Variants in KMT2A observed in about 807,000 individuals in gnomAD.
KMT2A encodes the protein lysine methyltransferase 2A.
Under a neutral mutation model 345.3 loss-of-function variants are expected in KMT2A, and 16 were observed. The ratio of observed to expected loss-of-function variants is 0.05; its 90% CI spans 0.03 to 0.07. The LOEUF is 0.07. Among genes scored for constraint, KMT2A ranks in the 10% least tolerant of loss-of-function variants. KMT2A has a pLI of 1.00. For synonymous variants in KMT2A, 1,599 were observed against 1,778.6 expected (o/e 0.90, Z 2.54); for missense variants, 3,272 against 4,841.6 (o/e 0.68, Z 9.62).
At chr11:118,468,877 G>A (rs1278816024) in intron 2 of KMT2A, 33 bp downstream of exon 2, 2 of 1,566,158 alleles carry the variant, frequency 1.3e-6, no homozygotes, top group Non-Finnish European at 1.8e-6. Context: ...TGCCTTTTAA[G>A]TTTTGTTTGT....
intron 1 of KMT2A, among the ~76,000 whole-genome samples, chr11:118,457,806 G>T (rs1285689284): frequency 1.3e-5 from 2 of 150,520 alleles, no homozygotes; most frequent in Non-Finnish European, 2.9e-5. Flanking sequence ...CTTTCTCCTT[G>T]AGTGGGTTAA....
At chr11:118,437,967 C>T (rs559933522) in intron 1 of KMT2A, among the ~76,000 whole-genome samples, 9 of 152,130 alleles carry the variant, frequency 5.9e-5, no homozygotes, top group Non-Finnish European at 1.2e-4. Flanking sequence ...TCTCCTACCC[C>T]ACCCACTGCG....
Position 118,505,568 on chromosome 11 carries a change from A to G in KMT2A, c.9676A>G (p.Ile3226Val), listed in dbSNP as rs1181300009. ...TPSSGLKKRPISRLQTRKNKK... is the reference protein window; with the variant it reads ...TPSSGLKKRPVSRLQTRKNKK... Reference sequence around the variant, plus strand: ...ATCCTCTGGACTCAAGAAAAGACCCATATCTCGTCTACAGACCCGAAAGAA... The same window carrying G: ...ATCCTCTGGACTCAAGAAAAGACCCGTATCTCGTCTACAGACCCGAAAGAA... Residue 3226 changes from isoleucine to valine, a missense_variant, in exon 27 of 36, where the codon ATA becomes GTA. Coordinates refer to ENST00000534358, the MANE Select transcript of KMT2A (RefSeq NM_001197104.2). This position sits in a 1 kb window ranked among gnomAD's most constrained non-coding sequence, Gnocchi z 4.6. 10 of 1,614,004 alleles carry G rather than the reference A, an allele frequency of 6.2e-6. No homozygotes were observed. The highest frequency in any genetic ancestry group is 3.3e-5 in the South Asian group (3 of 91,082).
At chr11:118,441,463 C>T (rs948614461) in intron 1 of KMT2A, among the ~76,000 whole-genome samples, 3 of 152,064 alleles carry the variant, frequency 2.0e-5, no homozygotes, top group African/African-American at 7.2e-5. Context: ...TACAGAATCC[C>T]AGGCATTATC....
At chr11:118,464,766 G>A (rs1484264873) in intron 1 of KMT2A, among the ~76,000 whole-genome samples, 4 of 152,198 alleles carry the variant, frequency 2.6e-5, no homozygotes, top group Non-Finnish European at 4.4e-5. Context: ...TGGCTACCAG[G>A]AGGTAGAAGT....
chr11:118,480,983 A>T (rs1237694131), intron 6 of KMT2A, among the ~76,000 whole-genome samples: 3 of 152,064 alleles, frequency 2.0e-5, no homozygotes, highest in African/African-American at 7.2e-5. Flanking sequence ...AGGTGTATAT[A>T]TTTATGGGGG....
At chr11:118,445,152 G>T (rs1156344319) in intron 1 of KMT2A, among the ~76,000 whole-genome samples, 1 of 152,058 alleles carries the variant, frequency 6.6e-6, no homozygotes, top group Non-Finnish European at 1.5e-5. Flanking sequence ...TATAATCTTA[G>T]AATGTTCTTG....
rs1950316294 is a variant in KMT2A, at chr11:118,491,023, C to T, written c.4697-173C>T. On this transcript the variant is annotated intron_variant, in intron 13 of 35. Coordinates refer to ENST00000534358, the MANE Select transcript of KMT2A (RefSeq NM_001197104.2). This position sits in a 1 kb window ranked among gnomAD's most constrained non-coding sequence, Gnocchi z 4.2. ...AGCTTTTCTGTGAGTATTCGAGGGG[C>T]TCAGAATAATCTTGAGACTGCAGAT... Among the ~76,000 whole-genome samples the T allele has an allele frequency of 6.6e-6, 1 of 152,124 alleles. No homozygotes were observed. Among genetic ancestry groups the T allele is most frequent in the Non-Finnish European group, 1.5e-5 (1 of 68,026 alleles).
Position 118,484,963 on chromosome 11 carries a change from T to G in KMT2A, c.4320T>G (p.Ser1440Arg). The G allele has an allele frequency of 6.2e-7, 1 of 1,606,112 alleles. No individual in the cohort carries two copies. Among genetic ancestry groups the G allele is most frequent in the Non-Finnish European group, 8.5e-7 (1 of 1,172,916 alleles). ...PRVVCFLCAS[S>R]GHVEFVYCQV... is the part of the protein sequence containing the mutation. ...TGGTTTGCTTTCTCTGTGCCAGTAG[T>G]GGGCATGTAGAGGTAAGGCATCCTG... is the stretch of plus-strand genomic sequence containing the variant. Residue 1440 changes from serine to arginine, a missense_variant, in exon 10 of 36, where the codon AGT becomes AGG. This residue lies in a region of KMT2A where 120 missense variants were observed against 280.4 expected (regional missense o/e 0.43). Coordinates refer to ENST00000534358, the MANE Select transcript of KMT2A (RefSeq NM_001197104.2). The surrounding 1 kb of genome is among the most constrained non-coding windows in gnomAD (Gnocchi z 4.1).
intron 23 of KMT2A, 33 bp from the exon 24 acceptor site, chr11:118,499,794 GCTCATAAT>G (rs1241550948): frequency 7.0e-7 from 1 of 1,419,474 alleles, no homozygotes. Flanking sequence ...ATAAAATGAC[GCTCATAAT>G]CTTCTCTAAT....
At chr11:118,475,308 C>T (rs972888739) in intron 3 of KMT2A, among the ~76,000 whole-genome samples, 9 of 151,612 alleles carry the variant, frequency 5.9e-5, no homozygotes, top group African/African-American at 1.9e-4. Context: ...GTAAGCTAGT[C>T]ACTGGCCTTT....
At chr11:118,477,098 CAAGAGGGGATTAAAT>C in intron 4 of KMT2A, 116 bp downstream of exon 4, 1 of 930,462 alleles carries the variant, frequency 1.1e-6, no homozygotes, top group South Asian at 1.4e-5. Flanking sequence ...AAACAGATGG[CAAGAGGGGATTAAAT>C]ACATGAGGAT....
chr11:118,443,146 CAG>C (rs1424699825), intron 1 of KMT2A, among the ~76,000 whole-genome samples: 1 of 152,118 alleles, frequency 6.6e-6, no homozygotes, highest in African/African-American at 2.4e-5. Flanking sequence ...GCATTTATGA[CAG>C]TGTGGATGCT....
chr11:118,505,428 ACAT>A lies in KMT2A; in HGVS notation c.9539_9541del (p.Ile3180del). 1 of 1,613,976 alleles carries A rather than the reference ACAT, an allele frequency of 6.2e-7. No homozygotes were observed. The highest frequency in any genetic ancestry group is 1.3e-5 in the African/African-American group (1 of 74,972). On this transcript the variant is annotated inframe_deletion, in exon 27 of 36. Transcript: ENST00000534358. This position sits in a 1 kb window ranked among gnomAD's most constrained non-coding sequence, Gnocchi z 4.6. ...GCTACTCAAAGTAGTTTCCCACCAA[ACAT>A]CAGCAATCCTCCTTCAGGCCTGCTT...
Position 118,436,970 on chromosome 11 carries a change from C to A in KMT2A, c.432+26C>A. On this transcript the variant is annotated intron_variant, in intron 1 of 35. Coordinates refer to ENST00000534358, the MANE Select transcript of KMT2A (RefSeq NM_001197104.2). The surrounding 1 kb of genome is among the most constrained non-coding windows in gnomAD (Gnocchi z 6.9). ...GTAAGGGGGCGAGGAACCCCCAGGTCCGGGGTCTCGACCCTCTGCGGAGCC... is the reference window on the plus strand; with the variant it reads ...GTAAGGGGGCGAGGAACCCCCAGGTACGGGGTCTCGACCCTCTGCGGAGCC... 7.0e-7 allele frequency: 1 copy of A among 1,429,934 alleles called. No individual in the cohort carries two copies. 88.6% of individuals were successfully genotyped at this position (1,429,934 alleles called of 1,614,324 possible). A position where few individuals can be genotyped will look rare whatever the true frequency, so the allele number is the denominator to read the frequency against.
chr11:118,436,565 G>C lies in KMT2A; in HGVS notation c.53G>C (p.Gly18Ala). The change falls in exon 1 of 36, where the codon GGC (glycine) becomes GCC (alanine). Residue 18 changes from glycine to alanine, a missense_variant. Coordinates refer to ENST00000534358, the MANE Select transcript of KMT2A (RefSeq NM_001197104.2). The surrounding 1 kb of genome is among the most constrained non-coding windows in gnomAD (Gnocchi z 6.9). ...CCCGCCCGACCCGGGACCACCGGGG[G>C]CGGCGGCGGCGGGGGGCGCCGGGGC... is the stretch of plus-strand genomic sequence containing the variant. ...RFPARPGTTGGGGGGGRRGLG... is the reference protein window; with the variant it reads ...RFPARPGTTGAGGGGGRRGLG... 1 of 1,175,546 alleles carries C rather than the reference G, an allele frequency of 8.5e-7. No homozygotes were observed. Among genetic ancestry groups the C allele is most frequent in the Non-Finnish European group, 1.1e-6 (1 of 936,176 alleles). 72.8% of individuals were successfully genotyped at this position (1,175,546 alleles called of 1,614,324 possible). A position where few individuals can be genotyped will look rare whatever the true frequency, so the allele number is the denominator to read the frequency against.
At chr11:118,474,516 G>A (rs1293936401) in intron 3 of KMT2A, among the ~76,000 whole-genome samples, 1 of 152,170 alleles carries the variant, frequency 6.6e-6, no homozygotes, top group East Asian at 1.9e-4. Flanking sequence ...ATTCTAAGTA[G>A]AGGGAACAGT....
At chr11:118,513,163 G>C (rs183682229) in intron 31 of KMT2A, among the ~76,000 whole-genome samples, 115 of 152,202 alleles carry the variant, frequency 7.6e-4, no homozygotes, top group African/African-American at 2.6e-3. Flanking sequence ...AGGATCACTG[G>C]AGCCTAGGAG....
At chr11:118,475,631 G>A (rs1194937928) in intron 3 of KMT2A, among the ~76,000 whole-genome samples, 4 of 152,030 alleles carry the variant, frequency 2.6e-5, no homozygotes, top group Non-Finnish European at 5.9e-5. Flanking sequence ...GCTGAGGCAG[G>A]AGAATCGCTT....
Sources: allele counts gnomAD v4.1 joint callset (sites outside exome capture counted in the v4.1 genomes callset), GRCh38; gene constraint gnomAD v4.1.1; regional missense constraint gnomAD v4.1.1; non-coding constraint Gnocchi (gnomAD v3.1); transcripts MANE v1.5; gene names NCBI Gene and HGNC (gene_info 2026-07-23, HGNC 2026-07-21).